Variants in AFAP1 observed in about 807,000 individuals in gnomAD.
The protein encoded by AFAP1 is actin filament-associated protein 1.
AFAP1 carries 75 observed loss-of-function variants against 93.9 expected under a neutral mutation model. The ratio of observed to expected loss-of-function variants is 0.80; its 90% confidence interval spans 0.66 to 0.97. The LOEUF (loss-of-function observed/expected upper bound fraction) is 0.97, where lower values mean the gene tolerates loss of function less well. Among genes scored for constraint, AFAP1 ranks in the 50% least tolerant of loss-of-function variants. The pLI is 0.00. For synonymous variants in AFAP1, 517 were observed against 430.7 expected (o/e 1.20, Z -2.48); for missense variants, 1,201 against 1,050.8 (o/e 1.14, Z -1.98).
chr4:7,784,119 G>A (rs1272342661), intron 12 of AFAP1, among the ~76,000 whole-genome samples: 1 of 152,060 alleles, frequency 6.6e-6, no homozygotes, highest in Non-Finnish European at 1.5e-5. Flanking sequence ...GGAAGAACTC[G>A]CACAAGCCCC....
intron 1 of AFAP1, among the ~76,000 whole-genome samples, chr4:7,925,269 C>G (rs551826562): frequency 5.9e-5 from 9 of 152,352 alleles, no homozygotes; most frequent in African/African-American, 1.7e-4. Context: ...CCATATACCC[C>G]TCAGGTCCTC....
intron 1 of AFAP1, among the ~76,000 whole-genome samples, chr4:7,938,362 G>A (rs1028254719): frequency 3.3e-5 from 5 of 152,112 alleles, no homozygotes; most frequent in African/African-American, 7.2e-5. Flanking sequence ...TTTGTCTCCG[G>A]GATCTTTAAC....
intron 5 of AFAP1, 124 bp from the exon 6 acceptor site, chr4:7,838,827 A>T: frequency 4.2e-6 from 4 of 956,982 alleles, no homozygotes; most frequent in Non-Finnish European, 6.3e-6. Flanking sequence ...TCTGCAGATG[A>T]GCAGGTTCAC....
chr4:7,936,862 T>C (rs946127588), intron 1 of AFAP1, among the ~76,000 whole-genome samples: 1 of 152,194 alleles, frequency 6.6e-6, no homozygotes, highest in Non-Finnish European at 1.5e-5. Flanking sequence ...ATTACAGGCG[T>C]GAGCCACCAC....
chr4:7,824,144 T>C (rs1040381267), intron 6 of AFAP1, among the ~76,000 whole-genome samples: 1 of 152,198 alleles, frequency 6.6e-6, no homozygotes, highest in Non-Finnish European at 1.5e-5. Context: ...CAGCTATAAA[T>C]GAGGCTTCTA....
intron 10 of AFAP1, among the ~76,000 whole-genome samples, chr4:7,798,212 ACTGCAACTCTATTGGCTGGCTCACG>A (rs1718647629): frequency 2.4e-5 from 3 of 125,352 alleles, no homozygotes; most frequent in South Asian, 2.5e-4. Context: ...GGCTCACGGC[ACTGCAACTCTATTGGCTGGCTCACG>A]GCACTGCAAC....
At chr4:7,764,469 A>G (rs1364587985) in intron 17 of AFAP1, among the ~76,000 whole-genome samples, 1 of 152,358 alleles carries the variant, frequency 6.6e-6, no homozygotes, top group African/African-American at 2.4e-5. Context: ...GTTCTGGAGA[A>G]GGATGGCGGC....
chr4:7,854,691 T>C (rs28508479), intron 4 of AFAP1, among the ~76,000 whole-genome samples: 122,306 of 152,044 alleles, frequency 0.8, 49,385 homozygotes, highest in East Asian at 0.94. Flanking sequence ...AGTCAGCAAC[T>C]GCTCTGTCAC....
chr4:7,772,842 T>G lies in AFAP1; in HGVS notation c.2231A>C (p.Lys744Thr), dbSNP rs1260653081. 3 of 1,614,050 alleles carry G rather than the reference T, an allele frequency of 1.9e-6. No homozygotes were observed. Among genetic ancestry groups the G allele is most frequent in the South Asian group, 2.2e-5 (2 of 91,068 alleles). ...CACCTGTGGACTCGATGTCCCTGAC[T>G]TGGGCTCGATGGCCAGCCCCAGGGT... ...GVTLGLAIEP[K>T]SGTSSPQSPV... The change falls in exon 16 of 18, where the codon AAG (lysine) becomes ACG (threonine). Residue 744 changes from lysine (K) to threonine (T), a missense_variant. Lys to Thr is a moderately conservative substitution (Grantham distance 78, BLOSUM62 -1). Coordinates refer to ENST00000420658, the MANE Select transcript of AFAP1 (RefSeq NM_001134647.2).
chr4:7,864,309 T>C (rs1393194273), intron 3 of AFAP1, among the ~76,000 whole-genome samples: 1 of 152,222 alleles, frequency 6.6e-6, no homozygotes, highest in Non-Finnish European at 1.5e-5. Flanking sequence ...TGCTTTAATT[T>C]ACAGCACACC....
At chr4:7,778,736 T>G (rs1577194793) in intron 14 of AFAP1, 26 bp downstream of exon 14, 4 of 1,604,138 alleles carry the variant, frequency 2.5e-6, no homozygotes, top group Non-Finnish European at 3.4e-6. Context: ...GAAGCCGGAA[T>G]GCAAGACATC....
chr4:7,859,092 C>T (rs571589167), intron 3 of AFAP1, among the ~76,000 whole-genome samples: 1 of 152,310 alleles, frequency 6.6e-6, no homozygotes, highest in African/African-American at 2.4e-5. Flanking sequence ...CCACTGTTTC[C>T]TGGGCTACCA....
chr4:7,864,608 A>C (rs1716202022), intron 3 of AFAP1, among the ~76,000 whole-genome samples: 1 of 152,220 alleles, frequency 6.6e-6, no homozygotes, highest in African/African-American at 2.4e-5. Flanking sequence ...CTAAAAGGCT[A>C]AACATTCAGG....
At chr4:7,929,884 G>A (rs17771470) in intron 1 of AFAP1, among the ~76,000 whole-genome samples, 18 of 152,104 alleles carry the variant, frequency 1.2e-4, no homozygotes, top group South Asian at 1.0e-3. Context: ...CAGCAGGACC[G>A]TTATAATAGC....
intron 1 of AFAP1, among the ~76,000 whole-genome samples, chr4:7,929,269 A>C (rs551064436): frequency 2.0e-5 from 3 of 152,274 alleles, no homozygotes; most frequent in Non-Finnish European, 2.9e-5. Context: ...ACTGATGTCC[A>C]AACAGGTGGA....
intron 1 of AFAP1, among the ~76,000 whole-genome samples, chr4:7,879,453 T>A (rs1339025208): frequency 6.6e-6 from 1 of 152,056 alleles, no homozygotes; most frequent in African/African-American, 2.4e-5. Flanking sequence ...CTGGACAGAA[T>A]GGCGAGGTCA....
At chr4:7,932,743 TC>T (rs1293216294) in intron 1 of AFAP1, among the ~76,000 whole-genome samples, 1 of 152,040 alleles carries the variant, frequency 6.6e-6, no homozygotes, top group Non-Finnish European at 1.5e-5. Context: ...AGAAGGATCT[TC>T]ATGGCAGTGG....
chr4:7,900,742 A>G (rs1259202359), intron 1 of AFAP1, among the ~76,000 whole-genome samples: 3 of 152,218 alleles, frequency 2.0e-5, no homozygotes, highest in African/African-American at 7.2e-5. Flanking sequence ...ACGGATAAAC[A>G]CTGCAACATT....
chr4:7,868,900 G>A lies in AFAP1; in HGVS notation c.128-181C>T, dbSNP rs28568677. Reference sequence around the variant, plus strand: ...TTCTCCATTTTACAGGTGAAGAACCGACAGCTTAAATAAAGTGAAAGAAAA... The same window carrying A: ...TTCTCCATTTTACAGGTGAAGAACCAACAGCTTAAATAAAGTGAAAGAAAA... On this transcript the variant is annotated intron_variant, in intron 2 of 17. Coordinates refer to ENST00000420658, the MANE Select transcript of AFAP1 (RefSeq NM_001134647.2). Among the ~76,000 whole-genome samples, 469 of 149,370 alleles carry A rather than the reference G, an allele frequency of 3.1e-3. 2 individuals are homozygous for A. In the South Asian group the frequency reaches 0.036, roughly 11 times the overall value.
Sources: gnomAD v4.1 joint callset for allele counts (sites outside exome capture counted in the v4.1 genomes callset) on GRCh38, gnomAD v4.1.1 for gene constraint, MANE v1.5 for transcripts, NCBI Gene and HGNC (gene_info 2026-07-23, HGNC 2026-07-21) for gene names.